The following DNAAF11 variants were observed in gnomAD, a reference collection of about 807,000 sequenced individuals.
The protein encoded by DNAAF11 is leucine rich repeat containing 6.
Under a neutral mutation model 60.8 loss-of-function variants are expected in DNAAF11, and 45 were observed. That is an observed-to-expected ratio of 0.74 (90% CI 0.58 to 0.95). The LOEUF is 0.95. DNAAF11 is among the 40% of genes least tolerant of loss of function. The pLI, the probability that DNAAF11 is intolerant of heterozygous loss-of-function variation, is 0.00. For synonymous variants in DNAAF11, 191 were observed against 183.5 expected, an observed-to-expected ratio of 1.04 and a Z score of -0.33; for missense variants, 546 against 546.2, an observed-to-expected ratio of 1.00 and a Z score of 0.00.
At chr8:132,590,712 C>A (rs1409813780) in intron 10 of DNAAF11, among the ~76,000 whole-genome samples, 1 of 152,148 alleles carries the variant, frequency 6.6e-6, no homozygotes, top group Non-Finnish European at 1.5e-5. Context: ...CCAGGTGATT[C>A]TTAGATTAGG....
chr8:132,642,210 C>T (rs1821926945), intron 3 of DNAAF11, among the ~76,000 whole-genome samples: 1 of 152,138 alleles, frequency 6.6e-6, no homozygotes. Context: ...AACTACATGG[C>T]TAATATTTAT....
chr8:132,658,935 T>G, intron 2 of DNAAF11, among the ~76,000 whole-genome samples: 1 of 152,146 alleles, frequency 6.6e-6, no homozygotes, highest in East Asian at 1.9e-4. Flanking sequence ...AAAGGGAGTC[T>G]GAGTTCTAGC....
chr8:132,609,136 C>A (rs1383731847), intron 10 of DNAAF11, among the ~76,000 whole-genome samples: 1 of 152,052 alleles, frequency 6.6e-6, no homozygotes, highest in Admixed American at 6.6e-5. Flanking sequence ...TTAATAGAAA[C>A]CAATCAAAAT....
chr8:132,643,521 A>G, intron 3 of DNAAF11: 2 of 397,974 alleles, frequency 5.0e-6, no homozygotes, highest in East Asian at 7.2e-5. Context: ...GTTAATTCAA[A>G]AGACCAGTCC....
intron 7 of DNAAF11, 114 bp downstream of exon 7, chr8:132,622,497 T>C: frequency 5.5e-6 from 4 of 730,272 alleles, no homozygotes; most frequent in Non-Finnish European, 7.0e-6. Context: ...ATCAAACTTG[T>C]TAAGAGCAGT....
At chr8:132,634,938 AATTG>A (rs561354865) in intron 4 of DNAAF11, among the ~76,000 whole-genome samples, 303 of 152,030 alleles carry the variant, frequency 2.0e-3, no homozygotes, top group African/African-American at 6.7e-3. Context: ...GAAGTACATT[AATTG>A]ATTGATTGAT....
chr8:132,601,344 C>T (rs1817596035), intron 10 of DNAAF11, among the ~76,000 whole-genome samples: 1 of 152,110 alleles, frequency 6.6e-6, no homozygotes. Context: ...ACTAGTTCAA[C>T]CATTGTGGAA....
At chr8:132,579,402 T>G (rs1815088251) in intron 11 of DNAAF11, among the ~76,000 whole-genome samples, 1 of 152,086 alleles carries the variant, frequency 6.6e-6, no homozygotes. Flanking sequence ...ATGGCATCTC[T>G]TTTGCACATG....
chr8:132,599,077 G>A (rs8180952), intron 10 of DNAAF11, among the ~76,000 whole-genome samples: 152,104 of 152,106 alleles, frequency 1, 76,051 homozygotes, highest in Middle Eastern at 1. Context: ...TGCAATAAAG[G>A]ATGATAAAGG....
At chr8:132,616,519 A>G (rs1362869601) in intron 7 of DNAAF11, among the ~76,000 whole-genome samples, 1 of 152,074 alleles carries the variant, frequency 6.6e-6, no homozygotes, top group East Asian at 1.9e-4. Flanking sequence ...AATGAGGGAG[A>G]GAAGAATTAA....
intron 11 of DNAAF11, among the ~76,000 whole-genome samples, chr8:132,577,627 A>T (rs1421124600): frequency 1.3e-5 from 2 of 152,234 alleles, no homozygotes. Flanking sequence ...AATGATGTTA[A>T]TAACAATAGC....
At chr8:132,670,650 T>C (rs1377838501) in intron 1 of DNAAF11, among the ~76,000 whole-genome samples, 1 of 152,070 alleles carries the variant, frequency 6.6e-6, no homozygotes, top group Non-Finnish European at 1.5e-5. Context: ...TCAAATGCAT[T>C]ACAAGAAAAG....
chr8:132,597,756 C>T (rs560063857), intron 10 of DNAAF11, among the ~76,000 whole-genome samples: 8 of 152,192 alleles, frequency 5.3e-5, no homozygotes, highest in Non-Finnish European at 7.4e-5. Flanking sequence ...GGTAACTATG[C>T]AGGTTATCTT....
At chr8:132,677,086 A>G (rs1825786903), upstream of DNAAF11, among the ~76,000 whole-genome samples, 2 of 152,188 alleles carry the variant, frequency 1.3e-5, no homozygotes, top group South Asian at 2.1e-4. Context: ...TGATGACAAT[A>G]TGGGTAAACA....
chr8:132,612,476 C>A (rs1184187773), intron 8 of DNAAF11, among the ~76,000 whole-genome samples: 1 of 152,110 alleles, frequency 6.6e-6, no homozygotes, highest in Non-Finnish European at 1.5e-5. Context: ...GCAGAGCAAG[C>A]TGCTTCTTAT....
chr8:132,690,824 T>C, the DNAAF11 span, among the ~76,000 whole-genome samples: 1 of 152,210 alleles, frequency 6.6e-6, no homozygotes. Context: ...CTGCTGTGTT[T>C]CTTGTGATTA....
At chr8:132,658,202 G>A (rs1336555883) in intron 2 of DNAAF11, among the ~76,000 whole-genome samples, 2 of 152,136 alleles carry the variant, frequency 1.3e-5, no homozygotes, top group Non-Finnish European at 2.9e-5. Flanking sequence ...TTTAAATGGA[G>A]GATTTGGGGG....
At chr8:132,695,093 G>A in the DNAAF11 span, among the ~76,000 whole-genome samples, 2,133 of 152,262 alleles carry the variant, frequency 0.014, 46 homozygotes, top group African/African-American at 0.049. Flanking sequence ...GGTTGTTGAC[G>A]TCTTTAACAT....
intron 11 of DNAAF11, among the ~76,000 whole-genome samples, chr8:132,577,655 C>A (rs919785201): frequency 6.6e-6 from 1 of 152,066 alleles, no homozygotes; most frequent in African/African-American, 2.4e-5. Context: ...ATTGACATGG[C>A]ACTTTTTTAT....
Sources: allele counts gnomAD v4.1 joint callset (sites outside exome capture counted in the v4.1 genomes callset), GRCh38; gene constraint gnomAD v4.1.1; transcripts MANE v1.5; gene names NCBI Gene and HGNC (gene_info 2026-07-23, HGNC 2026-07-21).